Variants in GRK2 observed in about 807,000 individuals in gnomAD.
The protein encoded by GRK2 is adrenergic beta receptor kinase 1.
Under a neutral mutation model 97.8 loss-of-function variants are expected in GRK2, and 23 were observed. That is an observed-to-expected ratio of 0.24 (90% CI 0.17 to 0.33). The LOEUF is 0.33. Ranked by LOEUF, GRK2 falls within the 10% of genes least tolerant of loss-of-function variation. The pLI is 1.00. For missense variants in GRK2, 633 were observed against 956.9 expected (o/e 0.66, Z 4.47); for synonymous variants, 425 against 381.7 (o/e 1.11, Z -1.32).
rs1188282040 is a variant in GRK2 at position 67,285,728 on chromosome 11, A to T, written c.*278A>T. 2 of 469,616 alleles carry T rather than the reference A, an allele frequency of 4.3e-6. No homozygotes were observed. Among genetic ancestry groups the T allele is most frequent in the Non-Finnish European group, 7.6e-6 (2 of 264,708 alleles). 29.1% of individuals were successfully genotyped at this position (469,616 alleles called of 1,614,324 possible). The stretch of plus-strand genomic sequence containing the variant: ...CCTCCCGCCCCTTCCCCGAGGGATG[A>T]TGCCACACCAAGCTGTGCCACCCTG... On this transcript the variant is annotated 3_prime_UTR_variant, in exon 21 of 21. Coordinates refer to ENST00000308595, the MANE Select transcript of GRK2 (RefSeq NM_001619.5).
intron 1 of GRK2, among the ~76,000 whole-genome samples, chr11:67,274,180 T>G (rs1251383209): frequency 6.6e-6 from 1 of 152,064 alleles, no homozygotes; most frequent in Non-Finnish European, 1.5e-5. Context: ...GCTGGGCTAA[T>G]TTTTGTATTT....
In GRK2 at chr11:67,282,945, GACA is replaced by G; in HGVS notation, c.1227+128_1227+130del. ...CACTGACCCCTACTCTGGCCTCTGA[GACA>G]GACCTCCTGCCCCATAGGCTCTCGC... On this transcript the variant is annotated intron_variant, in intron 14 of 20. Transcript: ENST00000308595. This position sits in a 1 kb window ranked among gnomAD's most constrained non-coding sequence, Gnocchi z 6.9. The G allele has an allele frequency of 1.6e-6, 2 of 1,212,342 alleles. No homozygotes were observed. The highest frequency in any genetic ancestry group is 2.3e-6 in the Non-Finnish European group (2 of 852,572). The allele number at this position is 1,212,342 out of a possible 1,614,324, so 75.1% of individuals were successfully genotyped here. A position where few individuals can be genotyped will look rare whatever the true frequency, so the allele number is the denominator to read the frequency against.
At position 67,282,381 on chromosome 11, in the gene GRK2, C is replaced by T; in HGVS notation, c.1052+16C>T. On this transcript the variant is annotated intron_variant, in intron 12 of 20. Coordinates refer to ENST00000308595, the MANE Select transcript of GRK2 (RefSeq NM_001619.5). This position sits in a 1 kb window ranked among gnomAD's most constrained non-coding sequence, Gnocchi z 6.9. ...ATGCCAGCGTGTGAGTGCCCCCCAC[C>T]CTCTCCCTCCCCACCCCTTGCCACT... 1 of 1,612,202 alleles carries T rather than the reference C, an allele frequency of 6.2e-7. No individual in the cohort carries two copies. Among genetic ancestry groups the T allele is most frequent in the Non-Finnish European group, 8.5e-7 (1 of 1,178,802 alleles).
chr11:67,282,548 T>C lies in GRK2; in HGVS notation c.1160+6T>C, dbSNP rs544779082. The C allele has an allele frequency of 1.2e-5, 19 of 1,612,580 alleles. No individual in the cohort carries two copies. The South Asian group carries it at 1.8e-4, about 15-fold the overall frequency. ...CTCTTCAAGTTGCTGCGGGGGTGAGTGGCCCATCCCAGGTGGGCAGGTGGG... is the reference window on the plus strand; with the variant it reads ...CTCTTCAAGTTGCTGCGGGGGTGAGCGGCCCATCCCAGGTGGGCAGGTGGG... On this transcript the variant is annotated splice_donor_region_variant and intron_variant, in intron 13 of 20. Transcript: ENST00000308595. This position sits in a 1 kb window ranked among gnomAD's most constrained non-coding sequence, Gnocchi z 6.9.
At chr11:67,280,059 G>A (rs1291243086) in intron 6 of GRK2, 159 bp downstream of exon 6, 2 of 706,278 alleles carry the variant, frequency 2.8e-6, no homozygotes, top group Non-Finnish European at 4.9e-6. Context: ...TGAGAAGTCA[G>A]ACAGGCTGCA....
chr11:67,281,763 C>T lies in GRK2; in HGVS notation c.826+35C>T. 1 of 1,613,648 alleles carries T rather than the reference C, an allele frequency of 6.2e-7. No individual in the cohort carries two copies. ...GGCCGGGCCCTAGGGTGGGCCGGGC[C>T]CAGGCACGGGAGGCTGGGGCAAGAC... On this transcript the variant is annotated intron_variant, in intron 10 of 20. Transcript: ENST00000308595. This position sits in a 1 kb window ranked among gnomAD's most constrained non-coding sequence, Gnocchi z 5.7.
At position 67,277,665 on chromosome 11, in the gene GRK2, G is replaced by A. The variant is rs538288422; in HGVS notation, c.190+317G>A. 1.6e-3 allele frequency among the ~76,000 whole-genome samples: 247 copies of A among 152,362 alleles called. 1 individual carries two copies. Among genetic ancestry groups the A allele is most frequent in the African/African-American group, 4.7e-3 (197 of 41,590 alleles). ...GGCGCGGCCGCAGCTGCTCTGGGCC[G>A]TTGGTAGAACTGACAGGAAGAGGCG... On this transcript the variant is annotated intron_variant, in intron 2 of 20. Transcript: ENST00000308595.
At chr11:67,275,153 C>G (rs1054396771) in intron 1 of GRK2, among the ~76,000 whole-genome samples, 1 of 152,218 alleles carries the variant, frequency 6.6e-6, no homozygotes, top group Non-Finnish European at 1.5e-5. Flanking sequence ...CTGCTGTGCT[C>G]GTGCTATCTC....
rs1201189057 is a variant in GRK2, at chr11:67,269,095, T to C, written c.113+2283T>C. Reference sequence around the variant, plus strand: ...GGAAGGGCTACTGGCCACCCCTACATGGGGGTCCAGGCCTGGGGCATTAGG... The same window carrying C: ...GGAAGGGCTACTGGCCACCCCTACACGGGGGTCCAGGCCTGGGGCATTAGG... On this transcript the variant is annotated intron_variant, in intron 1 of 20. Transcript: ENST00000308595. This position sits in a 1 kb window ranked among gnomAD's most constrained non-coding sequence, Gnocchi z 4.1. Among the ~76,000 whole-genome samples the C allele has an allele frequency of 6.6e-6, 1 of 152,194 alleles. No homozygotes were observed. Among genetic ancestry groups the C allele is most frequent in the Non-Finnish European group, 1.5e-5 (1 of 68,012 alleles).
At chr11:67,284,103 T>C (rs1252934642) in intron 17 of GRK2, 108 bp from the exon 18 acceptor site, 8 of 1,504,970 alleles carry the variant, frequency 5.3e-6, no homozygotes, top group Non-Finnish European at 7.3e-6. Context: ...GGGGTGGCAG[T>C]TGCACTGACC....
chr11:67,268,758 T>C (rs1859848505), intron 1 of GRK2, among the ~76,000 whole-genome samples: 1 of 152,232 alleles, frequency 6.6e-6, no homozygotes, highest in South Asian at 2.1e-4. Flanking sequence ...GCAATAATGA[T>C]AGGAATTATT....
intron 1 of GRK2, among the ~76,000 whole-genome samples, chr11:67,268,188 C>T (rs1421531160): frequency 1.3e-5 from 2 of 152,214 alleles, no homozygotes; most frequent in Non-Finnish European, 2.9e-5. Flanking sequence ...CGGTGTCCCT[C>T]AGCCTTTGAA....
intron 1 of GRK2, 40 bp from the exon 2 acceptor site, chr11:67,277,232 C>A: frequency 6.2e-7 from 1 of 1,604,162 alleles, no homozygotes; most frequent in Non-Finnish European, 8.5e-7. Context: ...CCCCCACGGG[C>A]TCTGGGGGCT....
rs2136503782 is a variant in GRK2 at position 67,282,710 on chromosome 11, A to G, written c.1161-42A>G. The stretch of plus-strand genomic sequence containing the variant: ...CCATGCTGCCTGCCTCCCTTTCCCC[A>G]TTCCTGTCCTTTGACATTGGTTTTT... On this transcript the variant is annotated intron_variant, in intron 13 of 20. Coordinates refer to ENST00000308595, the MANE Select transcript of GRK2 (RefSeq NM_001619.5). This position sits in a 1 kb window ranked among gnomAD's most constrained non-coding sequence, Gnocchi z 6.9. 6.2e-7 allele frequency: 1 copy of G among 1,606,790 alleles called. No individual in the cohort carries two copies. The highest frequency in any genetic ancestry group is 8.5e-7 in the Non-Finnish European group (1 of 1,176,830).
chr11:67,275,478 C>G (rs1371435451), intron 1 of GRK2, among the ~76,000 whole-genome samples: 7 of 152,188 alleles, frequency 4.6e-5, no homozygotes, highest in Admixed American at 4.6e-4. Flanking sequence ...CCACCCACCC[C>G]CTTCCCCTTC....
chr11:67,270,350 C>T (rs1859880571), intron 1 of GRK2, among the ~76,000 whole-genome samples: 1 of 152,100 alleles, frequency 6.6e-6, no homozygotes. Flanking sequence ...GAGCTGGGTG[C>T]CTCTTGCAGC....
intron 1 of GRK2, among the ~76,000 whole-genome samples, chr11:67,271,292 CT>C (rs1446174024): frequency 6.6e-6 from 1 of 152,230 alleles, no homozygotes; most frequent in African/African-American, 2.4e-5. Context: ...AGGTGTTTGA[CT>C]GCAGCTTTTT....
chr11:67,282,621 AGGG>A lies in GRK2; in HGVS notation c.1160+81_1160+83del. ...CCCAATCCAGGTGGGATGCCAAAGG[AGGG>A]GAGCCCATAGCTGCCTTGGTGGTAG... is the stretch of plus-strand genomic sequence containing the variant. On this transcript the variant is annotated intron_variant, in intron 13 of 20. Coordinates refer to ENST00000308595, the MANE Select transcript of GRK2 (RefSeq NM_001619.5). This position sits in a 1 kb window ranked among gnomAD's most constrained non-coding sequence, Gnocchi z 6.9. The A allele has an allele frequency of 6.4e-7, 1 of 1,562,698 alleles. No individual in the cohort carries two copies. The highest frequency in any genetic ancestry group is 1.7e-4 in the Middle Eastern group (1 of 5,940).
Position 67,283,181 on chromosome 11 carries a change from G to C in GRK2, c.1281G>C (p.Gly427=). 1 of 1,614,028 alleles carries C rather than the reference G, an allele frequency of 6.2e-7. No homozygotes were observed. Among genetic ancestry groups the C allele is most frequent in the Non-Finnish European group, 8.5e-7 (1 of 1,179,986 alleles). The part of the protein sequence containing the change: ...FSPELRSLLE[G]LLQRDVNRRL... ...CTGAACTACGCTCCCTGCTGGAGGG[G>C]TTGCTGCAGAGGGATGTCAACCGGA... The change falls in exon 15 of 21, where the codon GGG becomes GGC. Residue 427 remains glycine (G), a synonymous_variant. Coordinates refer to ENST00000308595, the MANE Select transcript of GRK2 (RefSeq NM_001619.5).
Sources: gnomAD v4.1 joint callset for allele counts (sites outside exome capture counted in the v4.1 genomes callset) on GRCh38, gnomAD v4.1.1 for gene constraint, Gnocchi (gnomAD v3.1) non-coding constraint, MANE v1.5 for transcripts, NCBI Gene and HGNC (gene_info 2026-07-23, HGNC 2026-07-21) for gene names.